Variants in SLCO3A1 observed in about 807,000 individuals in gnomAD.
SLCO3A1 encodes PGE1 transporter.
In SLCO3A1, 27 loss-of-function variants were observed where a neutral mutation model predicts 63.1. The observed-to-expected ratio is 0.43, with a 90% CI of 0.32 to 0.59. The LOEUF (loss-of-function observed/expected upper bound fraction) is 0.59, where lower values mean the gene tolerates loss of function less well. Among genes scored for constraint, SLCO3A1 ranks in the 20% least tolerant of loss-of-function variants. The probability of loss-of-function intolerance (pLI) is 0.09; values close to 1 mark genes in which losing one functional copy is unlikely to be tolerated. For synonymous variants in SLCO3A1, 473 were observed against 409.9 expected, an observed-to-expected ratio of 1.15 and a Z score of -1.86; for missense variants, 773 against 945.8, an observed-to-expected ratio of 0.82 and a Z score of 2.40.
Position 92,147,028 on chromosome 15 carries a change from C to T in SLCO3A1, c.1557C>T (p.Asn519=), listed in dbSNP as rs763625949. The change falls in exon 8 of 10, where the codon AAC becomes AAT. Residue 519 remains asparagine, a synonymous_variant. Transcript: ENST00000318445. ...GCCTCACCACCGTCCCTGCTGAGAA[C>T]GCAACCGTGGTTCCTGGAAAATGCC... The part of the protein sequence containing the change: ...CACLTTVPAE[N]ATVVPGKCPS... The T allele has an allele frequency of 4.3e-5, 69 of 1,614,002 alleles. No individual in the cohort carries two copies. The highest frequency in any genetic ancestry group is 1.2e-4 in the Admixed American group (7 of 59,986).
chr15:91,869,085 C>A (rs908985117), intron 1 of SLCO3A1, among the ~76,000 whole-genome samples: 2 of 152,140 alleles, frequency 1.3e-5, no homozygotes, highest in African/African-American at 4.8e-5. Flanking sequence ...TCTCTGCCCT[C>A]ACTCTAGCCC....
chr15:92,032,721 C>T (rs1242180721), intron 2 of SLCO3A1, among the ~76,000 whole-genome samples: 3 of 152,104 alleles, frequency 2.0e-5, no homozygotes, highest in Non-Finnish European at 4.4e-5. Context: ...GGTTGCGATG[C>T]TCCTGGCAAA....
intron 2 of SLCO3A1, among the ~76,000 whole-genome samples, chr15:92,026,138 A>C (rs117486465): frequency 0.017 from 2,521 of 152,216 alleles, 28 homozygotes; most frequent in Middle Eastern, 0.031. Context: ...CCAGTCACCA[A>C]GTGTAGGGAT....
intron 2 of SLCO3A1, among the ~76,000 whole-genome samples, chr15:91,946,909 G>A (rs745439174): frequency 6.6e-6 from 1 of 152,152 alleles, no homozygotes; most frequent in African/African-American, 2.4e-5. Context: ...GCAAAGGTGG[G>A]GACCTGCCGT....
Position 91,916,477 on chromosome 15 carries a change from G to GT in SLCO3A1, c.646+20dup. The GT allele has an allele frequency of 6.5e-7, 1 of 1,544,614 alleles. No individual in the cohort carries two copies. Among genetic ancestry groups the GT allele is most frequent in the Non-Finnish European group, 8.8e-7 (1 of 1,137,924 alleles). The stretch of plus-strand genomic sequence containing the variant: ...TATATAGGTAGGAGCTGCCCCAGCC[G>GT]TATTAGCAAGAGACCAGGGTGTGTT... On this transcript the variant is annotated intron_variant, in intron 2 of 9. Transcript: ENST00000318445. This position sits in a 1 kb window ranked among gnomAD's most constrained non-coding sequence, Gnocchi z 6.2.
chr15:92,034,890 G>A (rs1310123678), intron 2 of SLCO3A1, among the ~76,000 whole-genome samples: 2 of 151,920 alleles, frequency 1.3e-5, no homozygotes, highest in South Asian at 2.1e-4. Context: ...ACTGTCATTC[G>A]CTGATTTCCT....
intron 2 of SLCO3A1, among the ~76,000 whole-genome samples, chr15:91,995,330 T>C (rs2046177930): frequency 6.6e-6 from 1 of 152,158 alleles, no homozygotes; most frequent in Admixed American, 6.5e-5. Context: ...GCATGTAAAA[T>C]ACAAATAATG....
intron 2 of SLCO3A1, among the ~76,000 whole-genome samples, chr15:91,938,482 G>GTTTTTTTTT (rs71156621): frequency 1.5e-5 from 2 of 136,246 alleles, no homozygotes; most frequent in Non-Finnish European, 3.2e-5. Flanking sequence ...GGTTTTTTTT[G>GTTTTTTTTT]TTTTTTTTTT....
chr15:91,964,584 A>T (rs1215280740), intron 2 of SLCO3A1, among the ~76,000 whole-genome samples: 1 of 151,992 alleles, frequency 6.6e-6, no homozygotes, highest in Admixed American at 6.6e-5. Flanking sequence ...AGGAGAAAAG[A>T]CCCTGGTGGA....
chr15:92,021,727 C>T (rs2046511678), intron 2 of SLCO3A1, among the ~76,000 whole-genome samples: 2 of 152,172 alleles, frequency 1.3e-5, no homozygotes, highest in Non-Finnish European at 1.5e-5. Context: ...CCTCAAGAAG[C>T]TTCCACTGTG....
At chr15:91,917,065 T>G (rs987818644) in intron 2 of SLCO3A1, among the ~76,000 whole-genome samples, 1 of 152,194 alleles carries the variant, frequency 6.6e-6, no homozygotes, top group African/African-American at 2.4e-5. Context: ...TGGAAACCAC[T>G]TGTGCGTGGG....
At chr15:92,152,656 G>A (rs1401862282) in intron 9 of SLCO3A1, among the ~76,000 whole-genome samples, 1 of 152,168 alleles carries the variant, frequency 6.6e-6, no homozygotes, top group Non-Finnish European at 1.5e-5. Context: ...TGCAGTGTGG[G>A]GTGGATCGAT....
In SLCO3A1 at chr15:92,163,686, C is replaced by T. The variant is rs1357126410; in HGVS notation, c.*551C>T. 6.1e-6 allele frequency: 6 copies of T among 985,294 alleles called. 1 individual carries two copies. In the African/African-American group the frequency reaches 1.0e-4, roughly 17 times the overall value. The allele number at this position is 985,294 out of a possible 1,614,324, so 61.0% of individuals were successfully genotyped here. A position where few individuals can be genotyped will look rare whatever the true frequency, so the allele number is the denominator to read the frequency against. On this transcript the variant is annotated 3_prime_UTR_variant, in exon 10 of 10. Coordinates refer to ENST00000318445, the MANE Select transcript of SLCO3A1 (RefSeq NM_013272.4). Reference sequence around the variant, plus strand: ...TCGGAGGGGTGGAAGCACCACTCCTCTCTCTGACTTTCGCAATATGGGTCA... The same window carrying T: ...TCGGAGGGGTGGAAGCACCACTCCTTTCTCTGACTTTCGCAATATGGGTCA...
At chr15:92,052,799 T>C (rs111363282) in intron 2 of SLCO3A1, among the ~76,000 whole-genome samples, 4 of 149,644 alleles carry the variant, frequency 2.7e-5, no homozygotes, top group Non-Finnish European at 5.9e-5. Context: ...AAGTACATTT[T>C]ATATTTATAT....
At chr15:91,995,634 C>T (rs1055206715) in intron 2 of SLCO3A1, among the ~76,000 whole-genome samples, 1 of 150,460 alleles carries the variant, frequency 6.6e-6, no homozygotes, top group African/African-American at 2.4e-5. Context: ...CTTGGATGCT[C>T]AGACCTAGTT....
chr15:91,882,600 C>T lies in SLCO3A1; in HGVS notation c.180+28512C>T, dbSNP rs777731780. Among the ~76,000 whole-genome samples the T allele has an allele frequency of 1.8e-4, 28 of 152,040 alleles. No individual in the cohort carries two copies. The highest frequency in any genetic ancestry group is 1.1e-3 in the Admixed American group (17 of 15,262). On this transcript the variant is annotated intron_variant, in intron 1 of 9. Coordinates refer to ENST00000318445, the MANE Select transcript of SLCO3A1 (RefSeq NM_013272.4). This position sits in a 1 kb window ranked among gnomAD's most constrained non-coding sequence, Gnocchi z 4.4. ...CATGATCTCAGCTCACTGCAACCTC[C>T]GCCTCCCGGGTTCAAGCGATTCTCT... is the stretch of plus-strand genomic sequence containing the variant.
At chr15:92,107,459 G>C (rs996587287) in intron 4 of SLCO3A1, among the ~76,000 whole-genome samples, 1 of 152,166 alleles carries the variant, frequency 6.6e-6, no homozygotes, top group African/African-American at 2.4e-5. Context: ...GTGCACCCTG[G>C]CATTCCAAAA....
intron 2 of SLCO3A1, among the ~76,000 whole-genome samples, chr15:91,925,652 G>A (rs1433632669): frequency 6.6e-6 from 1 of 152,132 alleles, no homozygotes. Context: ...ACTGTGGGGC[G>A]AGAGAAGTGG....
chr15:92,131,364 C>CT lies in SLCO3A1; in HGVS notation c.1512+2893dup, dbSNP rs1176368440. ...CTCAACCTCCCTATTCCTCCCACCT[C>CT]TTTTTTTTTTTTTTTTTTGAGACAG... On this transcript the variant is annotated intron_variant, in intron 7 of 9. Coordinates refer to ENST00000318445, the MANE Select transcript of SLCO3A1 (RefSeq NM_013272.4). 5.9e-3 allele frequency among the ~76,000 whole-genome samples: 747 copies of CT among 127,120 alleles called. 64 individuals are homozygous for CT. The highest frequency in any genetic ancestry group is 0.015 in the South Asian group (62 of 4,082). 83.4% of individuals were successfully genotyped at this position (127,120 alleles called of 152,430 possible). A position where few individuals can be genotyped will look rare whatever the true frequency, so the allele number is the denominator to read the frequency against.
Sources: allele counts gnomAD v4.1 joint callset (sites outside exome capture counted in the v4.1 genomes callset), GRCh38; gene constraint gnomAD v4.1.1; non-coding constraint Gnocchi (gnomAD v3.1); transcripts MANE v1.5; gene names NCBI Gene and HGNC (gene_info 2026-07-23, HGNC 2026-07-21).